The following MAD1L1 variants were observed in gnomAD, a reference collection of about 807,000 sequenced individuals.
MAD1L1 encodes the protein mitotic spindle assembly checkpoint protein MAD1.
In MAD1L1, 95 loss-of-function variants were observed where a neutral mutation model predicts 96.9. The observed-to-expected ratio is 0.98, with a 90% CI of 0.83 to 1.16. MAD1L1 has a LOEUF of 1.16. Ranked by LOEUF, MAD1L1 falls within the 50% of genes most tolerant of loss-of-function variation. The probability of loss-of-function intolerance (pLI) is 0.00; values close to 1 mark genes in which losing one functional copy is unlikely to be tolerated. For missense variants in MAD1L1, 1,007 were observed against 954.4 expected (o/e 1.06, Z -0.73); for synonymous variants, 473 against 396.6 (o/e 1.19, Z -2.29).
At chr7:2,230,507 G>C (rs1046864024) in intron 2 of MAD1L1, 42 bp downstream of exon 2, 1 of 205,260 alleles carries the variant, frequency 4.9e-6, no homozygotes, top group African/African-American at 2.3e-5. Context: ...AGGACACAGA[G>C]ACAGACACAA....
At chr7:1,874,639 G>A (rs1182392031) in intron 18 of MAD1L1, 1 of 424,740 alleles carries the variant, frequency 2.4e-6, no homozygotes, top group East Asian at 7.1e-5. Context: ...GGTGGGCTTA[G>A]GAATTGACCC....
intron 5 of MAD1L1, among the ~76,000 whole-genome samples, chr7:2,221,320 C>T (rs1225317982): frequency 2.0e-5 from 3 of 152,172 alleles, no homozygotes; most frequent in African/African-American, 7.2e-5. Context: ...GAACTGGAAC[C>T]CAGAGCATGG....
At chr7:2,129,790 A>G (rs1788423247) in intron 11 of MAD1L1, among the ~76,000 whole-genome samples, 1 of 152,212 alleles carries the variant, frequency 6.6e-6, no homozygotes, top group African/African-American at 2.4e-5. Flanking sequence ...GCTCGAGCCA[A>G]CGGCCTCCCC....
At chr7:1,979,851 G>A (rs1780813209) in intron 15 of MAD1L1, among the ~76,000 whole-genome samples, 2 of 152,220 alleles carry the variant, frequency 1.3e-5, no homozygotes, top group African/African-American at 4.8e-5. Flanking sequence ...TGCAGACCCG[G>A]CTCCAGCGCC....
intron 18 of MAD1L1, among the ~76,000 whole-genome samples, chr7:1,830,276 A>T (rs1782639986): frequency 6.6e-6 from 1 of 152,242 alleles, no homozygotes. Flanking sequence ...ACATCCCTGT[A>T]ATCCCAGCTA....
At chr7:1,882,748 C>A (rs966643557) in intron 18 of MAD1L1, among the ~76,000 whole-genome samples, 1 of 152,216 alleles carries the variant, frequency 6.6e-6, no homozygotes, top group Non-Finnish European at 1.5e-5. Context: ...TGGCCCCTCG[C>A]CCCCCTTCCC....
At position 1,909,661 on chromosome 7, in the gene MAD1L1, G is replaced by A. The variant is rs544403222; in HGVS notation, c.1808-11271C>T. ...CTGCCGGCCCCAAATCCAAATTCCCGGAGACCAGCCCGAGGGGCTGGCAGG... is the reference window on the plus strand; with the variant it reads ...CTGCCGGCCCCAAATCCAAATTCCCAGAGACCAGCCCGAGGGGCTGGCAGG... On this transcript the variant is annotated intron_variant, in intron 17 of 18. Transcript: ENST00000265854. Among the ~76,000 whole-genome samples the A allele has an allele frequency of 4.6e-5, 7 of 152,256 alleles. No individual in the cohort carries two copies. In the South Asian group the frequency reaches 8.3e-4, roughly 18 times the overall value.
chr7:1,816,156 C>G lies in MAD1L1; in HGVS notation c.2071G>C (p.Glu691Gln), dbSNP rs971005871. ...CTGTCCTGGCGCCGCAGGTGCACCT[C>G]GATGAGCTCGCCCACGGTGTGTGAG... Reference protein sequence around the residue: ...EFSHTVGELIEVHLRRQDSIP... With the variant: ...EFSHTVGELIQVHLRRQDSIP... Residue 691 changes from glutamate to glutamine, a missense_variant, in exon 19 of 19, where the codon GAG becomes CAG. By Grantham distance (29) the Glu-to-Gln change is conservative (BLOSUM62 2). Transcript: ENST00000265854. 5 of 1,613,196 alleles carry G rather than the reference C, an allele frequency of 3.1e-6. No homozygotes were observed. Among genetic ancestry groups the G allele is most frequent in the Non-Finnish European group, 3.4e-6 (4 of 1,179,892 alleles).
intron 12 of MAD1L1, among the ~76,000 whole-genome samples, chr7:2,027,390 G>A (rs984566550): frequency 1.3e-5 from 2 of 152,092 alleles, no homozygotes; most frequent in South Asian, 2.1e-4. Flanking sequence ...ACCTGAAAAC[G>A]ACATTCTGAG....
chr7:2,211,039 C>A (rs1449613733), intron 10 of MAD1L1, among the ~76,000 whole-genome samples: 2 of 152,182 alleles, frequency 1.3e-5, no homozygotes, highest in African/African-American at 2.4e-5. Context: ...TGGCGGGGGG[C>A]AGGGGGAGCC....
intron 11 of MAD1L1, among the ~76,000 whole-genome samples, chr7:2,112,334 A>G (rs1787423586): frequency 6.6e-6 from 1 of 152,188 alleles, no homozygotes; most frequent in Non-Finnish European, 1.5e-5. Context: ...AAAGACTCAA[A>G]ATGAAACACC....
intron 17 of MAD1L1, 74 bp from the exon 18 acceptor site, chr7:1,898,464 C>A: frequency 7.2e-7 from 1 of 1,385,614 alleles, no homozygotes; most frequent in Non-Finnish European, 1.0e-6. Context: ...GCGGCCAGGG[C>A]AGGGAGGAAG....
At chr7:2,214,768 G>A (rs1304123868) in intron 9 of MAD1L1, among the ~76,000 whole-genome samples, 1 of 152,216 alleles carries the variant, frequency 6.6e-6, no homozygotes, top group Admixed American at 6.5e-5. Context: ...ACTGCAGGAT[G>A]TTTTCCAGCA....
chr7:2,019,924 C>T (rs1177249499), intron 12 of MAD1L1, among the ~76,000 whole-genome samples: 1 of 152,170 alleles, frequency 6.6e-6, no homozygotes. Context: ...TGACAACTGA[C>T]TGTTTTCAAG....
intron 18 of MAD1L1, among the ~76,000 whole-genome samples, chr7:1,819,662 G>A (rs1322489672): frequency 6.6e-6 from 1 of 152,166 alleles, no homozygotes; most frequent in East Asian, 1.9e-4. Flanking sequence ...CCCCTGAGCC[G>A]AGCCCCATGG....
intron 18 of MAD1L1, among the ~76,000 whole-genome samples, chr7:1,850,733 C>G (rs1174040786): frequency 3.9e-5 from 6 of 152,190 alleles, no homozygotes; most frequent in Non-Finnish European, 8.8e-5. Flanking sequence ...CACTATCCAC[C>G]CCTGCATACT....
intron 7 of MAD1L1, among the ~76,000 whole-genome samples, chr7:2,216,649 C>G (rs914121630): frequency 2.0e-5 from 3 of 152,172 alleles, no homozygotes; most frequent in African/African-American, 7.2e-5. Flanking sequence ...GGTTCATCAC[C>G]GTCACACGTG....
intron 10 of MAD1L1, among the ~76,000 whole-genome samples, chr7:2,179,641 T>G (rs1206931437): frequency 6.6e-6 from 1 of 151,532 alleles, no homozygotes; most frequent in East Asian, 2.0e-4. Context: ...ACTTGACCCA[T>G]CTGGGTCACT....
chr7:2,049,045 G>C (rs563263038), intron 12 of MAD1L1, among the ~76,000 whole-genome samples: 2 of 152,344 alleles, frequency 1.3e-5, no homozygotes, highest in Non-Finnish European at 2.9e-5. Flanking sequence ...AGTTGATGAT[G>C]AACTACCTCA....
Sources: gnomAD v4.1 joint callset for allele counts (sites outside exome capture counted in the v4.1 genomes callset) on GRCh38, gnomAD v4.1.1 for gene constraint, MANE v1.5 for transcripts, NCBI Gene and HGNC (gene_info 2026-07-23, HGNC 2026-07-21) for gene names.